NLGN1: variants seen among roughly 807,000 people sequenced by gnomAD.
The protein encoded by NLGN1 is neuroligin 1, also known as neuroligin-1.
In NLGN1, 12 loss-of-function variants were observed where a neutral mutation model predicts 65.5. That is an observed-to-expected ratio of 0.18 (90% CI 0.12 to 0.30). The LOEUF (loss-of-function observed/expected upper bound fraction) is 0.30. Among genes scored for constraint, NLGN1 ranks in the 10% least tolerant of loss-of-function variants. NLGN1 has a pLI of 1.00. For synonymous variants in NLGN1, 350 were observed against 359.5 expected, an observed-to-expected ratio of 0.97 and a Z score of 0.30; for missense variants, 750 against 1,007.1, an observed-to-expected ratio of 0.74 and a Z score of 3.46.
At chr3:173,859,177 A>G (rs573076092) in intron 4 of NLGN1, among the ~76,000 whole-genome samples, 1 of 152,248 alleles carries the variant, frequency 6.6e-6, no homozygotes, top group South Asian at 2.1e-4. Flanking sequence ...TCTTCCCAAC[A>G]CAAGGGATTT....
intron 4 of NLGN1, among the ~76,000 whole-genome samples, chr3:173,977,358 T>C (rs1413441167): frequency 1.3e-5 from 2 of 151,802 alleles, no homozygotes; most frequent in African/African-American, 2.4e-5. Flanking sequence ...GCATAAACAC[T>C]GTAATGTGAG....
chr3:173,576,299 T>C (rs1745487872), intron 2 of NLGN1, among the ~76,000 whole-genome samples: 1 of 152,208 alleles, frequency 6.6e-6, no homozygotes, highest in Admixed American at 6.5e-5. Context: ...TTTTAATATC[T>C]TTAATATTTT....
rs1420149923 is a variant in NLGN1, at chr3:173,426,899, C to T, written c.-389-8111C>T. Among the ~76,000 whole-genome samples the T allele has an allele frequency of 3.3e-5, 5 of 151,864 alleles. No homozygotes were observed. The South Asian group carries it at 8.3e-4, about 25-fold the overall frequency. ...TTTTTTGGATTAGTTTGAGGAAAAT[C>T]AGTATTATATTTTCTTTAAAAGTTT... On this transcript the variant is annotated intron_variant, in intron 1 of 6. Transcript: ENST00000457714.
In NLGN1 at chr3:174,255,435, CAAA is replaced by C. The variant is rs71162383; in HGVS notation, c.647-19861_647-19859del. Among the ~76,000 whole-genome samples, 6 of 70,230 alleles carry C rather than the reference CAAA, an allele frequency of 8.5e-5. No homozygotes were observed. In the South Asian group the frequency reaches 3.3e-3, roughly 39 times the overall value. 46.1% of individuals were successfully genotyped at this position (70,230 alleles called of 152,430 possible). On this transcript the variant is annotated intron_variant, in intron 4 of 6. Transcript: ENST00000457714. ...TAGGCGATAGAGCAAGACTCTGTCT[CAAA>C]AAAAAAAAAAAAAAAAAAGCGCAAG...
intron 3 of NLGN1, among the ~76,000 whole-genome samples, chr3:173,704,168 G>A (rs191833308): frequency 8.2e-4 from 125 of 152,262 alleles, no homozygotes; most frequent in African/African-American, 2.9e-3. Context: ...TGGTTTGGGA[G>A]GCATAAACTG....
At chr3:173,432,417 T>C (rs1376353420) in intron 1 of NLGN1, among the ~76,000 whole-genome samples, 1 of 152,244 alleles carries the variant, frequency 6.6e-6, no homozygotes, top group Non-Finnish European at 1.5e-5. Flanking sequence ...GATTTTGCCC[T>C]TTCTAATAGC....
intron 4 of NLGN1, among the ~76,000 whole-genome samples, chr3:173,990,737 G>T (rs905814308): frequency 1.3e-5 from 2 of 151,968 alleles, no homozygotes; most frequent in Admixed American, 1.3e-4. Context: ...TATGAAATGT[G>T]CATGCGTAGT....
intron 4 of NLGN1, among the ~76,000 whole-genome samples, chr3:173,929,595 G>A (rs1490578284): frequency 1.3e-5 from 2 of 148,882 alleles, no homozygotes; most frequent in Non-Finnish European, 3.0e-5. Context: ...AAAAAAAGGA[G>A]GAAAGAAACC....
chr3:173,595,359 A>C (rs7639394), intron 2 of NLGN1, among the ~76,000 whole-genome samples: 1 of 152,192 alleles, frequency 6.6e-6, no homozygotes, highest in Non-Finnish European at 1.5e-5. Flanking sequence ...ATGCCACCAG[A>C]GTCTTTGCTA....
chr3:173,680,629 G>A (rs1365688702), intron 3 of NLGN1, among the ~76,000 whole-genome samples: 1 of 152,104 alleles, frequency 6.6e-6, no homozygotes, highest in African/African-American at 2.4e-5. Flanking sequence ...TGATTCTTGT[G>A]TTTGCTCATT....
At position 174,059,819 on chromosome 3, in the gene NLGN1, A is replaced by G. The variant is rs1179488305; in HGVS notation, c.647-215496A>G. ...AGCAGTTAAGTAATGCTGAATTTAT[A>G]CGGCTAGCAAGTTTCTGTGCTAGAG... On this transcript the variant is annotated intron_variant, in intron 4 of 6. Transcript: ENST00000457714. 2.0e-5 allele frequency among the ~76,000 whole-genome samples: 3 copies of G among 152,148 alleles called. No homozygotes were observed. The East Asian group carries it at 5.8e-4, about 29-fold the overall frequency.
intron 4 of NLGN1, among the ~76,000 whole-genome samples, chr3:174,019,313 A>C (rs1727253746): frequency 6.6e-6 from 1 of 152,144 alleles, no homozygotes; most frequent in South Asian, 2.1e-4. Flanking sequence ...TATGTTCATC[A>C]AAATGGGGCT....
intron 4 of NLGN1, among the ~76,000 whole-genome samples, chr3:174,078,470 T>TA (rs773331455): frequency 1.3e-5 from 2 of 152,176 alleles, no homozygotes; most frequent in Admixed American, 1.3e-4. Context: ...TATGTTGTCT[T>TA]AATTTTGTTT....
chr3:173,961,278 A>G (rs1713497654), intron 4 of NLGN1, among the ~76,000 whole-genome samples: 1 of 152,060 alleles, frequency 6.6e-6, no homozygotes, highest in South Asian at 2.1e-4. Context: ...AAGGTAGGTA[A>G]ATAAAACGGT....
chr3:173,835,498 G>T (rs910653956), intron 4 of NLGN1, among the ~76,000 whole-genome samples: 6 of 151,264 alleles, frequency 4.0e-5, no homozygotes, highest in Non-Finnish European at 7.4e-5. Context: ...AATATTTCAT[G>T]TTTAATAGAG....
At chr3:173,794,430 A>T (rs1440417342) in intron 3 of NLGN1, among the ~76,000 whole-genome samples, 1 of 152,104 alleles carries the variant, frequency 6.6e-6, no homozygotes, top group Non-Finnish European at 1.5e-5. Flanking sequence ...GGGAGGTTGG[A>T]TTATTGATGC....
intron 4 of NLGN1, among the ~76,000 whole-genome samples, chr3:173,892,070 C>G (rs1023679162): frequency 1.3e-5 from 2 of 152,104 alleles, no homozygotes; most frequent in Non-Finnish European, 2.9e-5. Flanking sequence ...TTTTGTGTAT[C>G]ATGGAATCCT....
At chr3:173,457,567 A>G (rs2148874479) in intron 2 of NLGN1, among the ~76,000 whole-genome samples, 1 of 152,246 alleles carries the variant, frequency 6.6e-6, no homozygotes, top group South Asian at 2.1e-4. Context: ...TAAATAAGGA[A>G]GAGATGTGAT....
At chr3:173,828,931 G>GC (rs1553863088) in intron 4 of NLGN1, among the ~76,000 whole-genome samples, 3 of 101,860 alleles carry the variant, frequency 2.9e-5, no homozygotes, top group Admixed American at 8.1e-5. Flanking sequence ...GTTGCTTTTT[G>GC]GGGGGGATTA....
Sources: allele counts gnomAD v4.1 joint callset (sites outside exome capture counted in the v4.1 genomes callset), GRCh38; gene constraint gnomAD v4.1.1; transcripts MANE v1.5; gene names NCBI Gene and HGNC (gene_info 2026-07-23, HGNC 2026-07-21).